WDR7: variants seen among roughly 807,000 people sequenced by gnomAD.
WDR7 encodes WD repeat-containing protein 7.
Under a neutral mutation model 169.4 loss-of-function variants are expected in WDR7, and 46 were observed. The observed-to-expected ratio is 0.27, with a 90% CI of 0.21 to 0.35. WDR7 has a LOEUF of 0.35. Among genes scored for constraint, WDR7 ranks in the 10% least tolerant of loss-of-function variants. The pLI is 1.00. For synonymous variants in WDR7, 612 were observed against 666.8 expected, an observed-to-expected ratio of 0.92 and a Z score of 1.27; for missense variants, 1,534 against 1,859.3, an observed-to-expected ratio of 0.83 and a Z score of 3.22.
intron 2 of WDR7, among the ~76,000 whole-genome samples, chr18:56,673,261 C>T (rs758250444): frequency 7.9e-5 from 12 of 152,042 alleles, no homozygotes; most frequent in Non-Finnish European, 1.6e-4. Context: ...ATATTTGTAA[C>T]TCCTTTCTCT....
At chr18:56,996,439 T>C (rs1318410982) in intron 26 of WDR7, among the ~76,000 whole-genome samples, 1 of 152,204 alleles carries the variant, frequency 6.6e-6, no homozygotes, top group Non-Finnish European at 1.5e-5. Flanking sequence ...AATTACATTT[T>C]CAGAAAGATA....
intron 12 of WDR7, among the ~76,000 whole-genome samples, chr18:56,703,839 G>A (rs1277003868): frequency 2.6e-5 from 4 of 151,726 alleles, no homozygotes; most frequent in African/African-American, 9.7e-5. Flanking sequence ...CGGTGGGAAT[G>A]ATAATTAGTA....
intron 26 of WDR7, among the ~76,000 whole-genome samples, chr18:57,002,759 T>C (rs1015781806): frequency 3.3e-5 from 5 of 152,166 alleles, no homozygotes; most frequent in Non-Finnish European, 1.5e-5. Flanking sequence ...CATTTTCTAG[T>C]TGTCATTTGC....
At chr18:57,026,308 T>C (rs1315558319) in intron 27 of WDR7, among the ~76,000 whole-genome samples, 1 of 152,200 alleles carries the variant, frequency 6.6e-6, no homozygotes, top group Non-Finnish European at 1.5e-5. Context: ...AAGTTATCAA[T>C]TGATAAAAAG....
chr18:56,915,077 G>A (rs1243928161), intron 21 of WDR7, among the ~76,000 whole-genome samples: 1 of 152,076 alleles, frequency 6.6e-6, no homozygotes, highest in African/African-American at 2.4e-5. Flanking sequence ...AACAGTTATT[G>A]TATGCTTTCC....
intron 14 of WDR7, among the ~76,000 whole-genome samples, chr18:56,736,590 CAA>C (rs2026703689): frequency 6.6e-6 from 1 of 150,398 alleles, no homozygotes; most frequent in Admixed American, 6.7e-5. Context: ...CCGTTGAAAA[CAA>C]AAGTAAAAGG....
intron 26 of WDR7, among the ~76,000 whole-genome samples, chr18:56,994,859 T>C (rs1030800825): frequency 9.9e-5 from 15 of 152,192 alleles, no homozygotes; most frequent in African/African-American, 3.4e-4. Context: ...TAACAGAGGA[T>C]TTTACAAACT....
chr18:57,001,177 A>C (rs1400996410), intron 26 of WDR7, among the ~76,000 whole-genome samples: 3 of 152,210 alleles, frequency 2.0e-5, no homozygotes, highest in African/African-American at 7.2e-5. Flanking sequence ...ATATAAATTA[A>C]GCAAAAATGT....
intron 19 of WDR7, among the ~76,000 whole-genome samples, chr18:56,806,038 A>G (rs2044767892): frequency 6.6e-6 from 1 of 152,090 alleles, no homozygotes; most frequent in African/African-American, 2.4e-5. Context: ...TCAAGACCCA[A>G]TTCAAATATT....
the WDR7 span, chr18:57,036,247 G>A: frequency 1.3e-5 from 2 of 152,252 alleles, no homozygotes; most frequent in African/African-American, 4.8e-5. Flanking sequence ...GAAGGCAGGG[G>A]ACACTGTGGT....
intron 16 of WDR7, among the ~76,000 whole-genome samples, chr18:56,770,360 A>G (rs560699392): frequency 3.9e-5 from 6 of 152,370 alleles, no homozygotes; most frequent in Admixed American, 1.3e-4. Flanking sequence ...TAAGTGAAGT[A>G]GAAAATTTTA....
chr18:56,773,617 G>A (rs1047494891), intron 16 of WDR7, among the ~76,000 whole-genome samples: 2 of 152,030 alleles, frequency 1.3e-5, no homozygotes, highest in African/African-American at 4.8e-5. Flanking sequence ...GCATTATCTA[G>A]TTTTGTACCT....
chr18:56,939,917 CTA>C (rs1351369841), intron 25 of WDR7, among the ~76,000 whole-genome samples: 3 of 150,924 alleles, frequency 2.0e-5, no homozygotes, highest in Admixed American at 2.0e-4. Flanking sequence ...CTAAGTATAA[CTA>C]TAAATTATAT....
chr18:56,950,416 A>T (rs1028818101), intron 25 of WDR7, among the ~76,000 whole-genome samples: 1 of 152,142 alleles, frequency 6.6e-6, no homozygotes, highest in East Asian at 1.9e-4. Context: ...CTTTTGCACC[A>T]TCAGTGCAAA....
At chr18:56,992,478 G>T (rs1317915399) in intron 26 of WDR7, among the ~76,000 whole-genome samples, 1 of 152,108 alleles carries the variant, frequency 6.6e-6, no homozygotes, top group South Asian at 2.1e-4. Flanking sequence ...ACTTTCTTAA[G>T]CTAATTTTAA....
chr18:56,971,305 C>T (rs1375641308), intron 26 of WDR7, among the ~76,000 whole-genome samples: 1 of 150,520 alleles, frequency 6.6e-6, no homozygotes, highest in Non-Finnish European at 1.5e-5. Context: ...AAAAGGAACA[C>T]CCCCACTATT....
At chr18:57,021,801 G>T (rs756918825) in intron 27 of WDR7, among the ~76,000 whole-genome samples, 1 of 152,126 alleles carries the variant, frequency 6.6e-6, no homozygotes, top group Non-Finnish European at 1.5e-5. Context: ...ATGAGATTCA[G>T]TTTATTGCTT....
intron 20 of WDR7, among the ~76,000 whole-genome samples, chr18:56,867,781 A>G (rs1190282357): frequency 6.6e-6 from 1 of 152,184 alleles, no homozygotes; most frequent in Non-Finnish European, 1.5e-5. Flanking sequence ...ATATGTGCTA[A>G]GTTAAACATT....
intron 12 of WDR7, among the ~76,000 whole-genome samples, chr18:56,714,071 A>T (rs2026140449): frequency 6.6e-6 from 1 of 152,194 alleles, no homozygotes; most frequent in African/African-American, 2.4e-5. Context: ...ATTTGTTTTC[A>T]CACAGGCTGC....
Sources: gnomAD v4.1 joint callset for allele counts (sites outside exome capture counted in the v4.1 genomes callset) on GRCh38, gnomAD v4.1.1 for gene constraint, MANE v1.5 for transcripts, NCBI Gene and HGNC (gene_info 2026-07-23, HGNC 2026-07-21) for gene names.